The following SRGAP3 variants were observed in gnomAD, a reference collection of about 807,000 sequenced individuals.
SRGAP3 encodes SLIT-ROBO Rho GTPase activating protein 3.
Under a neutral mutation model 121.1 loss-of-function variants are expected in SRGAP3, and 39 were observed. That is an observed-to-expected ratio of 0.32 (90% CI 0.25 to 0.42). SRGAP3 has a LOEUF of 0.42. Among genes scored for constraint, SRGAP3 ranks in the 10% least tolerant of loss-of-function variants. SRGAP3 has a pLI of 1.00. For synonymous variants in SRGAP3, 601 were observed against 570.0 expected (o/e 1.05, Z -0.77); for missense variants, 1,213 against 1,470.6 (o/e 0.82, Z 2.86).
At position 9,311,388 on chromosome 3, in the gene SRGAP3, C is replaced by T. The variant is rs73811465; in HGVS notation, n.442+14622G>A. 5.1e-3 allele frequency among the ~76,000 whole-genome samples: 781 copies of T among 152,284 alleles called. 8 individuals carry two copies. The highest frequency in any genetic ancestry group is 0.018 in the African/African-American group (741 of 41,538). On this transcript the variant is annotated intron_variant and non_coding_transcript_variant, in intron 3 of 3. Coordinates refer to the SRGAP3 transcript ENST00000490889. ...CTCATAAAATACAAACTATTCAGGA[C>T]AACTTGGGAAGGAAACTTTGGCATT...
chr3:9,091,063 T>C (rs1947734590), intron 3 of SRGAP3, among the ~76,000 whole-genome samples: 1 of 152,106 alleles, frequency 6.6e-6, no homozygotes, highest in African/African-American at 2.4e-5. Flanking sequence ...TGTTGAGTTT[T>C]AAGAACAAGA....
chr3:9,232,133 A>G (rs915454719), intron 1 of SRGAP3, among the ~76,000 whole-genome samples: 1 of 152,222 alleles, frequency 6.6e-6, no homozygotes, highest in Non-Finnish European at 1.5e-5. Context: ...TCATTTCAGC[A>G]ATCATCCTTA....
intron 1 of SRGAP3, among the ~76,000 whole-genome samples, chr3:9,209,004 T>C (rs887003966): frequency 1.3e-5 from 2 of 152,250 alleles, no homozygotes; most frequent in African/African-American, 4.8e-5. Context: ...ACATGGAGAC[T>C]GGGCTTATAG....
intron 1 of SRGAP3, among the ~76,000 whole-genome samples, chr3:9,224,464 C>G (rs1952920792): frequency 6.6e-6 from 1 of 152,196 alleles, no homozygotes; most frequent in Admixed American, 6.5e-5. Flanking sequence ...CTTCTCCCCC[C>G]ATGCAGACTC....
intron 1 of SRGAP3, among the ~76,000 whole-genome samples, chr3:9,230,655 G>A (rs1953168764): frequency 6.6e-6 from 1 of 152,162 alleles, no homozygotes; most frequent in Non-Finnish European, 1.5e-5. Flanking sequence ...AGGATCGCTT[G>A]TGCCTAGGAG....
intron 4 of SRGAP3, among the ~76,000 whole-genome samples, chr3:9,066,085 C>A (rs1260706196): frequency 1.3e-5 from 2 of 152,126 alleles, no homozygotes; most frequent in Non-Finnish European, 2.9e-5. Context: ...AGGTGTGAAC[C>A]ACCACACCCA....
At chr3:9,064,033 T>C (rs994651689) in intron 5 of SRGAP3, among the ~76,000 whole-genome samples, 11 of 152,166 alleles carry the variant, frequency 7.2e-5, no homozygotes, top group African/African-American at 2.7e-4. Context: ...CAAATTGGCC[T>C]CTGGAACAAG....
intron 1 of SRGAP3, among the ~76,000 whole-genome samples, chr3:9,168,627 T>C (rs928213426): frequency 6.6e-6 from 1 of 152,238 alleles, no homozygotes; most frequent in Non-Finnish European, 1.5e-5. Flanking sequence ...AATGGAGACC[T>C]CTTTCTGGGT....
chr3:9,189,360 A>G (rs568549954), intron 1 of SRGAP3, among the ~76,000 whole-genome samples: 73 of 152,352 alleles, frequency 4.8e-4, no homozygotes, highest in Admixed American at 4.6e-3. Context: ...TTCTCCATCA[A>G]ATCGTTTGTC....
In SRGAP3 at chr3:9,348,142, C is replaced by T. The variant is rs144182194; in HGVS notation, n.214+14698G>A. On this transcript the variant is annotated intron_variant and non_coding_transcript_variant, in intron 1 of 3. Coordinates refer to the SRGAP3 transcript ENST00000490889. The stretch of plus-strand genomic sequence containing the variant: ...CAACAGTAGAATTTTATGTGCAGTA[C>T]TAAGTCAGCTATGAATCACAAATAG... Among the ~76,000 whole-genome samples, 851 of 152,326 alleles carry T rather than the reference C, an allele frequency of 5.6e-3. 11 individuals are homozygous for T. The highest frequency in any genetic ancestry group is 0.019 in the African/African-American group (809 of 41,570).
intron 3 of SRGAP3, among the ~76,000 whole-genome samples, chr3:9,304,144 G>A (rs1955117130): frequency 6.6e-6 from 1 of 152,202 alleles, no homozygotes; most frequent in Non-Finnish European, 1.5e-5. Flanking sequence ...GTCCACAACA[G>A]TAACTTCCCC....
At chr3:9,159,485 C>T (rs531756463) in intron 1 of SRGAP3, among the ~76,000 whole-genome samples, 1 of 152,276 alleles carries the variant, frequency 6.6e-6, no homozygotes, top group South Asian at 2.1e-4. Flanking sequence ...CGTGACAGGG[C>T]CCCCTGCCGC....
intron 1 of SRGAP3, among the ~76,000 whole-genome samples, chr3:9,176,864 C>A (rs1490555708): frequency 6.6e-6 from 1 of 152,198 alleles, no homozygotes; most frequent in Non-Finnish European, 1.5e-5. Flanking sequence ...AGGCCCTACC[C>A]CAACAGTGGG....
In SRGAP3 at chr3:9,015,583, T is replaced by C; in HGVS notation, c.1813+14A>G. The C allele has an allele frequency of 1.9e-6, 3 of 1,613,930 alleles. No homozygotes were observed. Among genetic ancestry groups the C allele is most frequent in the Non-Finnish European group, 2.5e-6 (3 of 1,179,958 alleles). ...TTGTCAAAAAACTGATCATTTCACC[T>C]GGGAAATACTTACTAATAGTAGATA... On this transcript the variant is annotated intron_variant, in intron 15 of 21. Transcript: ENST00000383836.
rs564775565 is a variant in SRGAP3, at chr3:9,091,984, T to C, written c.424-11897A>G. Among the ~76,000 whole-genome samples, 20 of 152,278 alleles carry C rather than the reference T, an allele frequency of 1.3e-4. No homozygotes were observed. In the South Asian group the frequency reaches 4.1e-3, roughly 32 times the overall value. ...TAGGTCTTCCTACTGTTGCCAGGGC[T>C]GGTATATTGGACTGCAAAGAAGCAG... On this transcript the variant is annotated intron_variant, in intron 3 of 21. Coordinates refer to ENST00000383836, the MANE Select transcript of SRGAP3 (RefSeq NM_014850.4).
At chr3:9,006,301 G>T (rs909018470) in intron 18 of SRGAP3, among the ~76,000 whole-genome samples, 1 of 151,592 alleles carries the variant, frequency 6.6e-6, no homozygotes, top group Non-Finnish European at 1.5e-5. Flanking sequence ...TCCGGAGGCT[G>T]AGGCAGGAGA....
In SRGAP3 at chr3:9,336,454, A is replaced by C. The variant is rs117421786; in HGVS notation, n.215-5858T>G. ...GGTCTCAAACTCCTGGCCTCAAGTC[A>C]TCATCCCACCTCAGACTCTCAAGTT... is the stretch of plus-strand genomic sequence containing the variant. On this transcript the variant is annotated intron_variant and non_coding_transcript_variant, in intron 1 of 3. Transcript: ENST00000490889. Among the ~76,000 whole-genome samples the C allele has an allele frequency of 1.7e-3, 262 of 152,234 alleles. 4 individuals carry two copies. In the East Asian group the frequency reaches 0.036, roughly 21 times the overall value.
At chr3:9,049,748 T>G (rs998473241) in intron 9 of SRGAP3, among the ~76,000 whole-genome samples, 1 of 151,556 alleles carries the variant, frequency 6.6e-6, no homozygotes. Context: ...CAGTTGCCCA[T>G]CTTGGGAGAG....
intron 1 of SRGAP3, among the ~76,000 whole-genome samples, chr3:9,232,776 G>A (rs900138984): frequency 6.6e-6 from 1 of 152,136 alleles, no homozygotes; most frequent in African/African-American, 2.4e-5. Context: ...GGTCTGGGGT[G>A]GTTCCTAGAA....
Sources: gnomAD v4.1 joint callset for allele counts (sites outside exome capture counted in the v4.1 genomes callset) on GRCh38, gnomAD v4.1.1 for gene constraint, MANE v1.5 for transcripts, NCBI Gene and HGNC (gene_info 2026-07-23, HGNC 2026-07-21) for gene names.